Variants in CNTNAP5 observed in about 807,000 individuals in gnomAD.
The protein encoded by CNTNAP5 is contactin-associated protein-like 5.
A neutral mutation model predicts 150.2 loss-of-function variants in CNTNAP5; 72 were observed. The observed-to-expected ratio is 0.48, with a 90% CI of 0.40 to 0.58. The LOEUF is 0.58. Among genes scored for constraint, CNTNAP5 ranks in the 20% least tolerant of loss-of-function variants. The probability of loss-of-function intolerance (pLI) is 0.00; values close to 1 mark genes in which losing one functional copy is unlikely to be tolerated. For missense variants in CNTNAP5, 1,636 were observed against 1,626.2 expected, an observed-to-expected ratio of 1.01 and a Z score of -0.10; for synonymous variants, 672 against 619.8, an observed-to-expected ratio of 1.08 and a Z score of -1.25.
rs543380305 is a variant in CNTNAP5, at chr2:124,582,826, ATTTTATAACAC to A, written c.1756+19510_1756+19520del. Among the ~76,000 whole-genome samples the A allele has an allele frequency of 1.4e-3, 209 of 152,306 alleles. 1 individual carries two copies. The highest frequency in any genetic ancestry group is 4.7e-3 in the African/African-American group (194 of 41,564). Reference sequence around the variant, plus strand: ...ATGTTTTAATTAACTTCTTGACACAATTTTATAACACTTTTATTTCCTTACAACTTTTGCCT... The same window carrying A: ...ATGTTTTAATTAACTTCTTGACACAATTTTATTTCCTTACAACTTTTGCCT... On this transcript the variant is annotated intron_variant, in intron 11 of 23. Transcript: ENST00000682447.
intron 4 of CNTNAP5, 85 bp downstream of exon 4, chr2:124,417,675 C>A: frequency 7.8e-7 from 1 of 1,275,092 alleles, no homozygotes; most frequent in Non-Finnish European, 1.1e-6. Flanking sequence ...TTGAGATTGA[C>A]AATCATCTTA....
chr2:124,517,235 G>T (rs1300776853), intron 8 of CNTNAP5, among the ~76,000 whole-genome samples: 1 of 151,686 alleles, frequency 6.6e-6, no homozygotes, highest in African/African-American at 2.4e-5. Context: ...TGGTATTAGT[G>T]ATGGGAGATT....
At chr2:124,515,357 C>T (rs541948998) in intron 8 of CNTNAP5, among the ~76,000 whole-genome samples, 93 of 152,280 alleles carry the variant, frequency 6.1e-4, no homozygotes, top group African/African-American at 1.8e-3. Context: ...GAAGAGGAGA[C>T]TAACATGGAC....
At chr2:124,376,823 G>C (rs533271375) in intron 3 of CNTNAP5, among the ~76,000 whole-genome samples, 2 of 152,134 alleles carry the variant, frequency 1.3e-5, no homozygotes, top group Non-Finnish European at 2.9e-5. Context: ...GCTTAAGAAA[G>C]TAATGAGAAA....
chr2:124,616,425 T>C (rs1055247377), intron 12 of CNTNAP5, among the ~76,000 whole-genome samples: 2 of 152,184 alleles, frequency 1.3e-5, no homozygotes. Flanking sequence ...CTTTATAGAA[T>C]TGAAGAGGGT....
intron 14 of CNTNAP5, among the ~76,000 whole-genome samples, chr2:124,749,622 G>C (rs768075413): frequency 3.3e-5 from 5 of 151,978 alleles, no homozygotes; most frequent in Non-Finnish European, 7.4e-5. Flanking sequence ...CTCCATATTG[G>C]TCAGGCTGGT....
chr2:124,195,024 C>G (rs769752525), intron 1 of CNTNAP5, among the ~76,000 whole-genome samples: 12 of 147,922 alleles, frequency 8.1e-5, no homozygotes, highest in Non-Finnish European at 1.8e-4. Flanking sequence ...CCAAATAGAT[C>G]ACAAGTGCTT....
chr2:124,131,310 A>G (rs1379906843), intron 1 of CNTNAP5, among the ~76,000 whole-genome samples: 2 of 152,210 alleles, frequency 1.3e-5, no homozygotes, highest in Non-Finnish European at 2.9e-5. Flanking sequence ...TTCTATATGC[A>G]AAAGGCACCT....
chr2:124,271,649 T>G (rs1295429916), intron 3 of CNTNAP5, among the ~76,000 whole-genome samples: 1 of 126,174 alleles, frequency 7.9e-6, no homozygotes, highest in Non-Finnish European at 1.9e-5. Flanking sequence ...CTTCATTTAG[T>G]TTTTTTTTAA....
At position 124,035,108 on chromosome 2, in the gene CNTNAP5, C is replaced by A. The variant is rs182036486; in HGVS notation, c.82+9376C>A. Among the ~76,000 whole-genome samples the A allele has an allele frequency of 3.2e-3, 459 of 144,726 alleles. 2 individuals are homozygous for A. The highest frequency in any genetic ancestry group is 0.011 in the African/African-American group (440 of 39,504). The allele number at this position is 144,726 out of a possible 152,430, so 94.9% of individuals were successfully genotyped here. A position where few individuals can be genotyped will look rare whatever the true frequency, so the allele number is the denominator to read the frequency against. On this transcript the variant is annotated intron_variant, in intron 1 of 23. Coordinates refer to ENST00000682447, the MANE Select transcript of CNTNAP5 (RefSeq NM_001367498.1). ...ACTTCTGAAATATTTTTGTTCATGA[C>A]AAAACACTTGATAAGAAGAAAGATT...
intron 18 of CNTNAP5, among the ~76,000 whole-genome samples, chr2:124,796,274 T>C (rs929521425): frequency 2.0e-5 from 3 of 152,236 alleles, no homozygotes; most frequent in Non-Finnish European, 4.4e-5. Flanking sequence ...TATATGCCCA[T>C]ATCTATGTTA....
rs1288570471 is a variant in CNTNAP5, at chr2:124,574,193, CG to C, written c.1756+10877del. 5.3e-5 allele frequency among the ~76,000 whole-genome samples: 8 copies of C among 151,964 alleles called. No individual in the cohort carries two copies. In the East Asian group the frequency reaches 1.4e-3, roughly 26 times the overall value. ...CCAGTAGAACCCCGGTGGCAGGTTG[CG>C]GGGGGGACGGGGGATACTCCTGCAT... On this transcript the variant is annotated intron_variant, in intron 11 of 23. Transcript: ENST00000682447.
At chr2:124,257,828 C>G (rs1256406235) in intron 3 of CNTNAP5, among the ~76,000 whole-genome samples, 1 of 151,974 alleles carries the variant, frequency 6.6e-6, no homozygotes, top group Non-Finnish European at 1.5e-5. Flanking sequence ...TTACCTTCAT[C>G]TCTCTACTTG....
chr2:124,091,279 G>A (rs1488157650), intron 1 of CNTNAP5, among the ~76,000 whole-genome samples: 5 of 152,144 alleles, frequency 3.3e-5, no homozygotes, highest in Non-Finnish European at 7.3e-5. Context: ...TTTAGGGTGG[G>A]GGCAGGTTGT....
intron 12 of CNTNAP5, among the ~76,000 whole-genome samples, chr2:124,617,482 T>C (rs1205794048): frequency 1.3e-5 from 2 of 152,120 alleles, no homozygotes; most frequent in African/African-American, 4.8e-5. Context: ...CTTCTAGAGA[T>C]TGCTACCCTG....
At chr2:124,547,331 TG>T (rs1270714684) in intron 10 of CNTNAP5, among the ~76,000 whole-genome samples, 1 of 152,176 alleles carries the variant, frequency 6.6e-6, no homozygotes, top group Non-Finnish European at 1.5e-5. Context: ...ACTATCTGTA[TG>T]GCATTTAATT....
At chr2:124,263,017 TA>T (rs1687500812) in intron 3 of CNTNAP5, among the ~76,000 whole-genome samples, 1 of 152,166 alleles carries the variant, frequency 6.6e-6, no homozygotes, top group Non-Finnish European at 1.5e-5. Flanking sequence ...CCATGGTGTA[TA>T]TGTGCCACAT....
intron 1 of CNTNAP5, among the ~76,000 whole-genome samples, chr2:124,106,305 A>G (rs1683171802): frequency 1.3e-5 from 2 of 152,180 alleles, no homozygotes; most frequent in South Asian, 4.1e-4. Flanking sequence ...TGGTGTGCCA[A>G]CAAGTTACTG....
At chr2:124,138,957 G>A (rs953561278) in intron 1 of CNTNAP5, among the ~76,000 whole-genome samples, 40 of 152,008 alleles carry the variant, frequency 2.6e-4, no homozygotes, top group Non-Finnish European at 3.1e-4. Flanking sequence ...AACACTCTTG[G>A]CCTAACTATT....
Sources: allele counts gnomAD v4.1 joint callset (sites outside exome capture counted in the v4.1 genomes callset), GRCh38; gene constraint gnomAD v4.1.1; transcripts MANE v1.5; gene names NCBI Gene and HGNC (gene_info 2026-07-23, HGNC 2026-07-21).